MTA1: variants seen among roughly 807,000 people sequenced by gnomAD.
MTA1 encodes the protein metastasis associated 1.
MTA1 carries 15 observed loss-of-function variants against 97.0 expected under a neutral mutation model. The ratio of observed to expected loss-of-function variants is 0.15; its 90% CI spans 0.10 to 0.24. MTA1 has a LOEUF of 0.24. MTA1 is among the 10% of genes least tolerant of loss of function. The pLI, the probability that MTA1 is intolerant of heterozygous loss-of-function variation, is 1.00. For synonymous variants in MTA1, 435 were observed against 417.5 expected (o/e 1.04, Z -0.51); for missense variants, 709 against 1,015.1 (o/e 0.70, Z 4.10).
At chr14:105,421,676 C>G (rs1269432062) in intron 1 of MTA1, among the ~76,000 whole-genome samples, 1 of 152,234 alleles carries the variant, frequency 6.6e-6, no homozygotes, top group Non-Finnish European at 1.5e-5. Context: ...CTCGGTTTCC[C>G]CATGGTGTGG....
At chr14:105,434,001 G>A (rs1174712485) in intron 1 of MTA1, among the ~76,000 whole-genome samples, 1 of 152,036 alleles carries the variant, frequency 6.6e-6, no homozygotes, top group Non-Finnish European at 1.5e-5. Context: ...CTAATTTTTT[G>A]TATTTCAGTA....
chr14:105,423,922 G>A (rs1215396836), intron 1 of MTA1, among the ~76,000 whole-genome samples: 1 of 152,266 alleles, frequency 6.6e-6, no homozygotes, highest in Non-Finnish European at 1.5e-5. Flanking sequence ...GGCACTTGCT[G>A]CTCCATGGGC....
At chr14:105,464,316 C>T in intron 13 of MTA1, 100 bp from the exon 14 acceptor site, 1 of 1,466,852 alleles carries the variant, frequency 6.8e-7, no homozygotes, top group Non-Finnish European at 9.3e-7. Flanking sequence ...TGTGGGGGTG[C>T]CTGGCGGGTG....
intron 6 of MTA1, among the ~76,000 whole-genome samples, chr14:105,453,670 G>A (rs371051365): frequency 6.6e-6 from 1 of 152,142 alleles, no homozygotes; most frequent in Admixed American, 6.5e-5. Context: ...TATTAGCTAG[G>A]TGTGGTGGTG....
intron 19 of MTA1, 146 bp downstream of exon 19, chr14:105,469,644 G>A: frequency 8.2e-7 from 1 of 1,213,696 alleles, no homozygotes; most frequent in Non-Finnish European, 1.2e-6. Flanking sequence ...AGCATGTGGG[G>A]GCCATGGCCC....
chr14:105,464,186 G>C (rs782698107), intron 13 of MTA1, 39 bp downstream of exon 13: 47 of 1,578,032 alleles, frequency 3.0e-5, no homozygotes, highest in Non-Finnish European at 3.5e-5. Context: ...CCGCACGCCC[G>C]CCTGTGGGCC....
chr14:105,466,377 T>A, intron 16 of MTA1, 49 bp from the exon 17 acceptor site: 1 of 1,553,926 alleles, frequency 6.4e-7, no homozygotes. Context: ...TGCCTGCCCC[T>A]CCCCTGCTGG....
chr14:105,436,338 T>G (rs587651681), intron 1 of MTA1, among the ~76,000 whole-genome samples: 1 of 152,358 alleles, frequency 6.6e-6, no homozygotes, highest in East Asian at 1.9e-4. Context: ...TTGTTTCATG[T>G]TATTTTTACT....
In MTA1 at chr14:105,462,998, C is replaced by T. The variant is rs587769618; in HGVS notation, c.943-186C>T. 5.9e-5 allele frequency among the ~76,000 whole-genome samples: 9 copies of T among 152,304 alleles called. No individual in the cohort carries two copies. The South Asian group carries it at 1.7e-3, about 28-fold the overall frequency. On this transcript the variant is annotated intron_variant, in intron 10 of 20. Transcript: ENST00000331320. ...TGTGTTTTGGCATCTGGCGGGGGGA[C>T]CTGCTTCATCAGCTGCCCTCTGCAC...
At chr14:105,427,557 G>A (rs1004692474) in intron 1 of MTA1, among the ~76,000 whole-genome samples, 9 of 152,144 alleles carry the variant, frequency 5.9e-5, no homozygotes, top group Non-Finnish European at 1.2e-4. Flanking sequence ...AGGCTGTTGC[G>A]TATTGATTGG....
intron 1 of MTA1, among the ~76,000 whole-genome samples, chr14:105,423,341 C>A (rs782303858): frequency 2.0e-5 from 3 of 151,430 alleles, no homozygotes; most frequent in African/African-American, 4.9e-5. Flanking sequence ...GCCTCAGCCT[C>A]CCAAGTAGCT....
At chr14:105,437,114 C>A (rs1025889228) in intron 1 of MTA1, among the ~76,000 whole-genome samples, 20 of 152,272 alleles carry the variant, frequency 1.3e-4, no homozygotes, top group Admixed American at 1.3e-3. Context: ...CTCATCTGAT[C>A]AGCTGGTTTG....
In MTA1 at chr14:105,447,299, G is replaced by A. The variant is rs587736157; in HGVS notation, c.190+1788G>A. 1.4e-3 allele frequency among the ~76,000 whole-genome samples: 207 copies of A among 152,296 alleles called. 2 individuals are homozygous for A. Among genetic ancestry groups the A allele is most frequent in the African/African-American group, 4.6e-3 (193 of 41,564 alleles). The stretch of plus-strand genomic sequence containing the variant: ...CAGTCTGTGTGGCCTGGGGAGTCAG[G>A]CGCCACCGTTGAGTTGGGCATGTTT... On this transcript the variant is annotated intron_variant, in intron 3 of 20. Coordinates refer to ENST00000331320, the MANE Select transcript of MTA1 (RefSeq NM_004689.4).
At chr14:105,458,064 G>A (rs369548622) in intron 7 of MTA1, among the ~76,000 whole-genome samples, 3 of 152,082 alleles carry the variant, frequency 2.0e-5, no homozygotes, top group Non-Finnish European at 2.9e-5. Flanking sequence ...GGCCCCTTGC[G>A]TGTGCACCCC....
intron 3 of MTA1, among the ~76,000 whole-genome samples, chr14:105,448,171 G>A (rs935181115): frequency 1.4e-4 from 21 of 152,176 alleles, no homozygotes; most frequent in Admixed American, 6.5e-4. Flanking sequence ...ACAGCCAAGA[G>A]TGGGAGTGAG....
At chr14:105,458,672 C>A (rs2083245056) in intron 8 of MTA1, among the ~76,000 whole-genome samples, 1 of 152,140 alleles carries the variant, frequency 6.6e-6, no homozygotes. Flanking sequence ...TCCTGGGCCA[C>A]TGGGAGCAAG....
chr14:105,464,325 T>A, intron 13 of MTA1, 91 bp from the exon 14 acceptor site: 1 of 1,008,800 alleles, frequency 9.9e-7, no homozygotes. Flanking sequence ...GCCTGGCGGG[T>A]GGGGGCGGCC....
intron 6 of MTA1, among the ~76,000 whole-genome samples, chr14:105,453,909 C>T (rs1334419267): frequency 1.3e-5 from 2 of 152,270 alleles, no homozygotes; most frequent in Admixed American, 1.3e-4. Flanking sequence ...ACCCCTGCAG[C>T]TGCTCATTGG....
rs2081802302 is a variant in MTA1, at chr14:105,420,664, G to A, written c.28+601G>A. Among the ~76,000 whole-genome samples the A allele has an allele frequency of 6.6e-6, 1 of 152,176 alleles. No homozygotes were observed. Among genetic ancestry groups the A allele is most frequent in the African/African-American group, 2.4e-5 (1 of 41,454 alleles). On this transcript the variant is annotated intron_variant, in intron 1 of 20. Coordinates refer to ENST00000331320, the MANE Select transcript of MTA1 (RefSeq NM_004689.4). The surrounding 1 kb of genome is among the most constrained non-coding windows in gnomAD (Gnocchi z 5.3). ...CCCCCCAAACTTTTCCCTGCCTCTC[G>A]CTCACCTCAGCCCATTCGGGAGGCG...
Sources: allele counts gnomAD v4.1 joint callset (sites outside exome capture counted in the v4.1 genomes callset), GRCh38; gene constraint gnomAD v4.1.1; non-coding constraint Gnocchi (gnomAD v3.1); transcripts MANE v1.5; gene names NCBI Gene and HGNC (gene_info 2026-07-23, HGNC 2026-07-21).